Variants in OR8B8 observed in about 807,000 individuals in gnomAD.
OR8B8 encodes the protein olfactory receptor 8B8.
Under a neutral mutation model 10.5 loss-of-function variants are expected in OR8B8, and 8 were observed. That is an observed-to-expected ratio of 0.76 (90% CI 0.45 to 1.38). The LOEUF is 1.38. Among genes scored for constraint, OR8B8 ranks in the 40% most tolerant of loss-of-function variants. OR8B8 has a pLI of 0.00. For missense variants in OR8B8, 390 were observed against 380.5 expected (o/e 1.03, Z -0.21); for synonymous variants, 150 against 145.2 (o/e 1.03, Z -0.24).
In OR8B8 at chr11:124,440,406, T is replaced by G. The variant is rs1861454527; in HGVS notation, c.680A>C (p.His227Pro). The G allele has an allele frequency of 6.2e-7, 1 of 1,614,148 alleles. No individual in the cohort carries two copies. Among genetic ancestry groups the G allele is most frequent in the Non-Finnish European group, 8.5e-7 (1 of 1,180,030 alleles). ...SYALILSSIF[H>P]IDSTEGRSKA... ...GGACCTGCCCTCCGTGGAATCAATG[T>G]GGAAGATGCTGGAGAGAATGAGAGC... is the stretch of plus-strand genomic sequence containing the variant. The change falls in exon 3 of 3, where the codon CAC (histidine) becomes CCC (proline). Residue 227 changes from histidine to proline, a missense_variant. Physicochemically the swap from His to Pro is moderately conservative, Grantham distance 77. Transcript: ENST00000642064.
In OR8B8 at chr11:124,440,568, A is replaced by T. The variant is rs756728556; in HGVS notation, c.518T>A (p.Leu173His). 1.9e-6 allele frequency: 3 copies of T among 1,614,212 alleles called. No homozygotes were observed. In the Admixed American group the frequency reaches 5.0e-5, roughly 27 times the overall value. ...GATGTCACACATGTAGTGGTTGACA[A>T]GGTTATTGGCACAGAAGGTCACACC... The part of the protein sequence containing the change: ...MMGVTFCANN[L>H]VNHYMCDILP... The change falls in exon 3 of 3, where the codon CTT becomes CAT. Residue 173 changes from leucine (L) to histidine (H), a missense_variant. Coordinates refer to ENST00000642064, the MANE Select transcript of OR8B8 (RefSeq NM_012378.2).
At chr11:124,445,040 C>T (rs964366700) in intron 1 of OR8B8, among the ~76,000 whole-genome samples, 3 of 152,172 alleles carry the variant, frequency 2.0e-5, no homozygotes, top group Non-Finnish European at 2.9e-5. Flanking sequence ...TTTCAAATAT[C>T]CACATTCTAT....
Position 124,440,187 on chromosome 11 carries a change from G to A in OR8B8, c.899C>T (p.Ala300Val). The change falls in exon 3 of 3, where the codon GCT becomes GTT. Residue 300 changes from alanine (A) to valine (V), a missense_variant. By Grantham distance (64) the Ala-to-Val change is moderately conservative. Coordinates refer to ENST00000642064, the MANE Select transcript of OR8B8 (RefSeq NM_012378.2). ...ATTTTTGTTCAAGATTTTCTTTAGA[G>A]CAACTTTGACGTCCTTATTCCTCAG... is the stretch of plus-strand genomic sequence containing the variant. Reference protein sequence around the residue: ...YSLRNKDVKVALKKILNKNAF... With the variant: ...YSLRNKDVKVVLKKILNKNAF... 6.2e-7 allele frequency: 1 copy of A among 1,613,140 alleles called. No individual in the cohort carries two copies. The highest frequency in any genetic ancestry group is 2.2e-5 in the East Asian group (1 of 44,874).
intron 1 of OR8B8, among the ~76,000 whole-genome samples, chr11:124,443,663 TTCACCAGGTCTGAGTTCAGGTCCCA>T (rs1478664696): frequency 6.6e-6 from 1 of 152,196 alleles, no homozygotes; most frequent in African/African-American, 2.4e-5. Context: ...CCTGAATATT[TTCACCAGGTCTGAGTTCAGGTCCCA>T]TCACCAAGCT....
chr11:124,444,326 C>T (rs1861505721), intron 1 of OR8B8, among the ~76,000 whole-genome samples: 2 of 152,136 alleles, frequency 1.3e-5, no homozygotes, highest in Non-Finnish European at 2.9e-5. Flanking sequence ...CATCAAGGAC[C>T]TGAAATTATT....
chr11:124,444,285 G>C (rs1861505493), intron 1 of OR8B8, among the ~76,000 whole-genome samples: 1 of 152,110 alleles, frequency 6.6e-6, no homozygotes, highest in South Asian at 2.1e-4. Context: ...TTTGATTCCA[G>C]GACAAGAAAC....
chr11:124,440,353 T>G lies in OR8B8; in HGVS notation c.733A>C (p.Ile245Leu). ...CCAAAGAACAGAGAAACTGCAATTATGTGGGAGCTGCAGGTGCTGAAGGCT... is the reference window on the plus strand; with the variant it reads ...CCAAAGAACAGAGAAACTGCAATTAGGTGGGAGCTGCAGGTGCTGAAGGCT... ...SKAFSTCSSH[I>L]IAVSLFFGSG... The change falls in exon 3 of 3, where the codon ATA becomes CTA. Residue 245 changes from isoleucine (I) to leucine (L), a missense_variant. Coordinates refer to ENST00000642064, the MANE Select transcript of OR8B8 (RefSeq NM_012378.2). The G allele has an allele frequency of 6.2e-7, 1 of 1,614,186 alleles. No individual in the cohort carries two copies. Among genetic ancestry groups the G allele is most frequent in the Non-Finnish European group, 8.5e-7 (1 of 1,180,024 alleles).
At chr11:124,444,673 T>C (rs1261272480) in intron 1 of OR8B8, among the ~76,000 whole-genome samples, 1 of 152,208 alleles carries the variant, frequency 6.6e-6, no homozygotes, top group African/African-American at 2.4e-5. Context: ...AGTGTCGTTG[T>C]TGTGAGAGTT....
intron 2 of OR8B8, 124 bp downstream of exon 2, chr11:124,441,364 G>T (rs1298972227): frequency 1.4e-5 from 6 of 426,016 alleles, no homozygotes; most frequent in Non-Finnish European, 2.6e-5. Flanking sequence ...ACAGAAACTG[G>T]GGCCAGTCTC....
intron 1 of OR8B8, among the ~76,000 whole-genome samples, chr11:124,444,152 C>T (rs112666458): frequency 0.016 from 2,431 of 152,256 alleles, 79 homozygotes; most frequent in African/African-American, 0.055. Context: ...CATGTATGGC[C>T]TTGTCCCCAG....
chr11:124,437,625 T>TG lies in OR8B8; in HGVS notation c.*2524_*2525insC, dbSNP rs1861415846. ...GAGGTGGGGGAGGTCTCTCTCAGAC[T>TG]TTGTGTGTGTGTGTGTGTGTGTGTG... On this transcript the variant is annotated 3_prime_UTR_variant, in exon 3 of 3. Transcript: ENST00000642064. 3 of 113,620 alleles carry TG rather than the reference T, an allele frequency of 2.6e-5. No individual in the cohort carries two copies. Among genetic ancestry groups the TG allele is most frequent in the African/African-American group, 7.4e-5 (2 of 26,868 alleles). The allele number at this position is 113,620 out of a possible 1,614,324, so 7.0% of individuals were successfully genotyped here. A position where few individuals can be genotyped will look rare whatever the true frequency, so the allele number is the denominator to read the frequency against.
chr11:124,441,240 C>G (rs535511851), intron 2 of OR8B8, 139 bp from the exon 3 acceptor site: 1 of 627,228 alleles, frequency 1.6e-6, no homozygotes, highest in African/African-American at 1.8e-5. Context: ...TGCTGCGGCT[C>G]CCTCTGGAGC....
rs1341425518 is a variant in OR8B8 at position 124,440,946 on chromosome 11, G to A, written c.140C>T (p.Thr47Ile). ...VTVVGNLGLI[T>I]LIRLNSHLHT... The stretch of plus-strand genomic sequence containing the variant: ...CAAGTGAGAGTTGAGCCTTATCAGG[G>A]TTATCAAGCCCAGGTTCCCCACCAC... The change falls in exon 3 of 3, where the codon ACC (threonine) becomes ATC (isoleucine). Residue 47 changes from threonine to isoleucine, a missense_variant. Thr to Ile is a moderately conservative substitution (Grantham distance 89). Transcript: ENST00000642064. The A allele has an allele frequency of 1.9e-6, 3 of 1,614,088 alleles. No homozygotes were observed. Among genetic ancestry groups the A allele is most frequent in the Middle Eastern group, 1.6e-4 (1 of 6,062 alleles).
chr11:124,445,180 G>A (rs561159970), intron 1 of OR8B8, among the ~76,000 whole-genome samples: 24 of 152,222 alleles, frequency 1.6e-4, no homozygotes, highest in African/African-American at 5.8e-4. Context: ...CACAATCTTA[G>A]TGCTACTTTC....
intron 1 of OR8B8, among the ~76,000 whole-genome samples, chr11:124,441,905 A>C (rs1591449426): frequency 6.6e-6 from 1 of 152,344 alleles, no homozygotes; most frequent in East Asian, 1.9e-4. Flanking sequence ...ACAGACCTGG[A>C]TATAACAAAG....
At position 124,440,827 on chromosome 11, in the gene OR8B8, A is replaced by G; in HGVS notation, c.259T>C (p.Leu87=). The G allele has an allele frequency of 6.2e-7, 1 of 1,614,250 alleles. No individual in the cohort carries two copies. The highest frequency in any genetic ancestry group is 8.5e-7 in the Non-Finnish European group (1 of 1,180,050). The change falls in exon 3 of 3, where the codon TTA becomes CTA. Residue 87 remains leucine (L), a synonymous_variant. Coordinates refer to ENST00000642064, the MANE Select transcript of OR8B8 (RefSeq NM_012378.2). ...GCGTAGGAGATGCTGTTCTTCTTTA[A>G]GACAAAGCTCATCAGCATTTTGGGA... ...ITPKMLMSFV[L]KKNSISYAGC...
chr11:124,442,207 TAA>T (rs1451879648), intron 1 of OR8B8, among the ~76,000 whole-genome samples: 1 of 152,162 alleles, frequency 6.6e-6, no homozygotes, highest in Non-Finnish European at 1.5e-5. Flanking sequence ...CCCCAAATGT[TAA>T]GTTACAAAGG....
rs373037161 is a variant in OR8B8, at chr11:124,440,845, T to C, written c.241A>G (p.Met81Val). The change falls in exon 3 of 3, where the codon ATG becomes GTG. Residue 81 changes from methionine (M) to valine (V), a missense_variant. By Grantham distance (21) the Met-to-Val change is conservative. Transcript: ENST00000642064. ...FCYSSVITPK[M>V]LMSFVLKKNS... is the part of the protein sequence containing the mutation. ...TTCTTTAAGACAAAGCTCATCAGCA[T>C]TTTGGGAGTGATAACACTGGAATAG... The C allele has an allele frequency of 5.6e-6, 9 of 1,613,924 alleles. No individual in the cohort carries two copies. Among genetic ancestry groups the C allele is most frequent in the Non-Finnish European group, 6.8e-6 (8 of 1,179,930 alleles).
chr11:124,440,850 GGAGTGATAA>G lies in OR8B8; in HGVS notation c.227_235del (p.Val76_Pro79delinsAla). On this transcript the variant is annotated inframe_deletion, in exon 3 of 3. Coordinates refer to ENST00000642064, the MANE Select transcript of OR8B8 (RefSeq NM_012378.2). ...TAAGACAAAGCTCATCAGCATTTTG[GGAGTGATAA>G]CACTGGAATAGCAGAAATCTATGAA... 2.5e-6 allele frequency: 4 copies of G among 1,614,070 alleles called. No homozygotes were observed. The South Asian group carries it at 4.4e-5, about 18-fold the overall frequency.
Sources: allele counts gnomAD v4.1 joint callset (sites outside exome capture counted in the v4.1 genomes callset), GRCh38; gene constraint gnomAD v4.1.1; transcripts MANE v1.5; gene names NCBI Gene and HGNC (gene_info 2026-07-23, HGNC 2026-07-21).